The following GABRB2 variants were observed in gnomAD, a reference collection of about 807,000 sequenced individuals.
The protein encoded by GABRB2 is gamma-aminobutyric acid type A receptor subunit beta2, also known as gamma-aminobutyric acid receptor subunit beta-2.
GABRB2 carries 16 observed loss-of-function variants against 54.7 expected under a neutral mutation model. The observed-to-expected ratio is 0.29, with a 90% CI of 0.20 to 0.44. GABRB2 has a LOEUF of 0.44. GABRB2 is among the 20% of genes least tolerant of loss of function. The pLI is 1.00. For synonymous variants in GABRB2, 244 were observed against 233.8 expected (o/e 1.04, Z -0.40); for missense variants, 355 against 644.0 (o/e 0.55, Z 4.86).
chr5:161,447,777 T>C (rs1484296862), intron 4 of GABRB2, among the ~76,000 whole-genome samples: 1 of 152,212 alleles, frequency 6.6e-6, no homozygotes, highest in Non-Finnish European at 1.5e-5. Flanking sequence ...TAACAAACAT[T>C]TTTGGCAGTA....
At chr5:161,311,280 A>T (rs1038645448) in intron 9 of GABRB2, among the ~76,000 whole-genome samples, 48 of 152,260 alleles carry the variant, frequency 3.2e-4, no homozygotes, top group African/African-American at 1.1e-3. Flanking sequence ...TAGGCTGAGT[A>T]ACCCTGGCTT....
At chr5:161,316,273 G>A (rs1758025087) in intron 9 of GABRB2, among the ~76,000 whole-genome samples, 1 of 152,144 alleles carries the variant, frequency 6.6e-6, no homozygotes, top group South Asian at 2.1e-4. Context: ...GTCTGCTGCA[G>A]TGAGGTAGAT....
At chr5:161,425,218 G>A (rs1756964774) in intron 4 of GABRB2, among the ~76,000 whole-genome samples, 1 of 152,114 alleles carries the variant, frequency 6.6e-6, no homozygotes, top group Non-Finnish European at 1.5e-5. Flanking sequence ...CAGCAGCATG[G>A]TTTGAAGGAT....
intron 4 of GABRB2, among the ~76,000 whole-genome samples, chr5:161,451,304 G>T (rs1757781771): frequency 6.6e-6 from 1 of 152,286 alleles, no homozygotes; most frequent in East Asian, 1.9e-4. Context: ...CTGATCTAAT[G>T]TTACATATGG....
At chr5:161,481,554 T>C (rs114769322) in intron 3 of GABRB2, among the ~76,000 whole-genome samples, 1,753 of 152,110 alleles carry the variant, frequency 0.012, 32 homozygotes, top group African/African-American at 0.041. Context: ...TCACTTAGAA[T>C]AGCCCTATTT....
chr5:161,512,510 C>T (rs920397662), intron 3 of GABRB2, among the ~76,000 whole-genome samples: 1 of 151,910 alleles, frequency 6.6e-6, no homozygotes, highest in Non-Finnish European at 1.5e-5. Flanking sequence ...AGCTGGCTAG[C>T]CATATGCAGA....
chr5:161,407,263 A>G (rs867248475), intron 5 of GABRB2, among the ~76,000 whole-genome samples: 15 of 152,092 alleles, frequency 9.9e-5, no homozygotes, highest in African/African-American at 3.1e-4. Flanking sequence ...GGCACAGAAT[A>G]CAGCAGAGTA....
chr5:161,445,134 G>T (rs1237122458), intron 4 of GABRB2, among the ~76,000 whole-genome samples: 1 of 152,108 alleles, frequency 6.6e-6, no homozygotes, highest in Non-Finnish European at 1.5e-5. Flanking sequence ...GGTATAAACA[G>T]TTGGGGAAAA....
At chr5:161,517,982 G>A (rs1581052732) in intron 3 of GABRB2, among the ~76,000 whole-genome samples, 1 of 152,074 alleles carries the variant, frequency 6.6e-6, no homozygotes, top group South Asian at 2.1e-4. Flanking sequence ...CTAATTTTTT[G>A]TATTTTTAGT....
upstream of GABRB2, chr5:161,548,307 G>C (rs1333772750): frequency 2.6e-5 from 4 of 152,358 alleles, no homozygotes; most frequent in Non-Finnish European, 4.4e-5. Context: ...AGCCACGGGC[G>C]GCGTGAGGTG....
intron 9 of GABRB2, among the ~76,000 whole-genome samples, chr5:161,295,414 A>C (rs976416588): frequency 1.3e-5 from 2 of 152,216 alleles, no homozygotes; most frequent in African/African-American, 2.4e-5. Context: ...AAGAGGCCTC[A>C]ACTGCTACAG....
intron 5 of GABRB2, among the ~76,000 whole-genome samples, chr5:161,406,498 AACC>A (rs1756352313): frequency 6.6e-6 from 1 of 152,030 alleles, no homozygotes; most frequent in African/African-American, 2.4e-5. Flanking sequence ...TTTAAAATAT[AACC>A]ACCAAAACTG....
At chr5:161,499,855 A>G (rs1759375891) in intron 3 of GABRB2, among the ~76,000 whole-genome samples, 1 of 152,114 alleles carries the variant, frequency 6.6e-6, no homozygotes, top group African/African-American at 2.4e-5. Flanking sequence ...GTCTCTATTA[A>G]TAATTTTTTT....
At chr5:161,534,645 GTAAGAA>G (rs1760573901) in intron 3 of GABRB2, among the ~76,000 whole-genome samples, 1 of 152,178 alleles carries the variant, frequency 6.6e-6, no homozygotes, top group Non-Finnish European at 1.5e-5. Flanking sequence ...AGGATGTGCT[GTAAGAA>G]TTAACCAAGA....
intron 4 of GABRB2, among the ~76,000 whole-genome samples, chr5:161,448,554 A>G (rs1342698652): frequency 6.6e-6 from 1 of 152,168 alleles, no homozygotes; most frequent in Non-Finnish European, 1.5e-5. Context: ...CCTAACTTCC[A>G]GTAAAGTTTT....
chr5:161,321,558 C>G (rs1167465407), intron 9 of GABRB2, among the ~76,000 whole-genome samples: 1 of 152,090 alleles, frequency 6.6e-6, no homozygotes, highest in African/African-American at 2.4e-5. Context: ...TTATTTCCCA[C>G]AAATAAGGAC....
chr5:161,494,180 G>C (rs1759160128), intron 3 of GABRB2, among the ~76,000 whole-genome samples: 1 of 151,662 alleles, frequency 6.6e-6, no homozygotes, highest in Admixed American at 6.6e-5. Context: ...AAGCATTGTA[G>C]GTACTATAGT....
At chr5:161,534,666 T>TAGCCAATAACCAAG in intron 3 of GABRB2, among the ~76,000 whole-genome samples, 1 of 152,168 alleles carries the variant, frequency 6.6e-6, no homozygotes, top group East Asian at 1.9e-4. Flanking sequence ...CCAAGAGAAA[T>TAGCCAATAACCAAG]AGAAACTGGC....
chr5:161,354,752 C>T (rs1033332366), intron 5 of GABRB2, among the ~76,000 whole-genome samples: 3 of 152,040 alleles, frequency 2.0e-5, no homozygotes, highest in Admixed American at 2.0e-4. Context: ...AACCTTTTTA[C>T]TTGATCTGAC....
Sources: gnomAD v4.1 joint callset for allele counts (sites outside exome capture counted in the v4.1 genomes callset) on GRCh38, gnomAD v4.1.1 for gene constraint, MANE v1.5 for transcripts, NCBI Gene and HGNC (gene_info 2026-07-23, HGNC 2026-07-21) for gene names.